Variants in SERPINI1 observed in about 807,000 individuals in gnomAD.
SERPINI1 encodes the protein serpin family I member 1, also known as neuroserpin.
In SERPINI1, 19 loss-of-function variants were observed where a neutral mutation model predicts 41.1. That is an observed-to-expected ratio of 0.46 (90% CI 0.32 to 0.68). The LOEUF (loss-of-function observed/expected upper bound fraction) is 0.68, where lower values mean the gene tolerates loss of function less well. Among genes scored for constraint, SERPINI1 ranks in the 30% least tolerant of loss-of-function variants. SERPINI1 has a pLI of 0.03. For missense variants in SERPINI1, 460 were observed against 479.2 expected, an observed-to-expected ratio of 0.96 and a Z score of 0.37; for synonymous variants, 138 against 156.6, an observed-to-expected ratio of 0.88 and a Z score of 0.89.
At chr3:167,791,095 A>C (rs796687783) in intron 3 of SERPINI1, among the ~76,000 whole-genome samples, 8 of 152,298 alleles carry the variant, frequency 5.3e-5, no homozygotes, top group African/African-American at 1.9e-4. Flanking sequence ...TAAGTCCCCC[A>C]AAATGGAGAG....
At chr3:167,821,137 T>G (rs1406663198) in intron 6 of SERPINI1, among the ~76,000 whole-genome samples, 2 of 152,152 alleles carry the variant, frequency 1.3e-5, no homozygotes, top group Non-Finnish European at 2.9e-5. Flanking sequence ...ACCCTCCACT[T>G]GTCTACATGC....
intron 8 of SERPINI1, 87 bp from the exon 9 acceptor site, chr3:167,825,158 CAT>C (rs1382082078): frequency 1.4e-5 from 12 of 879,500 alleles, no homozygotes; most frequent in Admixed American, 3.4e-5. Context: ...GAGAAAATAA[CAT>C]ATTTTCATTA....
At chr3:167,752,322 C>T (rs941040241) in intron 1 of SERPINI1, among the ~76,000 whole-genome samples, 1 of 152,138 alleles carries the variant, frequency 6.6e-6, no homozygotes, top group East Asian at 1.9e-4. Flanking sequence ...CTCAGATTTA[C>T]CTATCCAAAG....
intron 1 of SERPINI1, among the ~76,000 whole-genome samples, chr3:167,777,219 G>A (rs945497547): frequency 3.7e-4 from 56 of 152,180 alleles, no homozygotes; most frequent in African/African-American, 1.2e-3. Flanking sequence ...AGTTAAACAC[G>A]TTCTCTCTCT....
rs527990594 is a variant in SERPINI1, at chr3:167,783,918, C to T, written c.-18-5193C>T. 3.5e-4 allele frequency among the ~76,000 whole-genome samples: 53 copies of T among 152,306 alleles called. 2 individuals carry two copies. The South Asian group carries it at 0.011, about 31-fold the overall frequency. ...TCTCTGAAAGAGTTCCCTGACAGGA[C>T]CTGCTCCCACAATTCACAGCCACAT... is the stretch of plus-strand genomic sequence containing the variant. On this transcript the variant is annotated intron_variant, in intron 1 of 8. Transcript: ENST00000446050.
intron 1 of SERPINI1, among the ~76,000 whole-genome samples, chr3:167,765,995 G>T (rs1420593224): frequency 9.2e-5 from 14 of 152,032 alleles, no homozygotes; most frequent in Admixed American, 9.2e-4. Context: ...CAGCATTTTT[G>T]TCAAAGCAAT....
intron 3 of SERPINI1, among the ~76,000 whole-genome samples, chr3:167,792,296 T>A (rs1727548144): frequency 6.6e-6 from 1 of 152,040 alleles, no homozygotes; most frequent in Non-Finnish European, 1.5e-5. Flanking sequence ...TTATTTCAGG[T>A]GATACGGGTG....
chr3:167,795,267 C>A (rs115747698), intron 5 of SERPINI1, among the ~76,000 whole-genome samples: 1 of 152,236 alleles, frequency 6.6e-6, no homozygotes, highest in African/African-American at 2.4e-5. Context: ...GCAAGCAAGT[C>A]ACTGTGCTAG....
At position 167,748,111 on chromosome 3, in the gene SERPINI1, A is replaced by G. The variant is rs142687888; in HGVS notation, c.-19+12288A>G. On this transcript the variant is annotated intron_variant, in intron 1 of 8. Transcript: ENST00000446050. ...AGTGTGATCAAAACAAAAAGAAAAA[A>G]CTAGAACTTTAAGATAGAATGACAA... is the stretch of plus-strand genomic sequence containing the variant. Among the ~76,000 whole-genome samples the G allele has an allele frequency of 1.8e-3, 272 of 152,226 alleles. 1 individual carries two copies. The highest frequency in any genetic ancestry group is 6.1e-3 in the African/African-American group (255 of 41,578).
chr3:167,817,075 T>C (rs1416654996), intron 6 of SERPINI1, among the ~76,000 whole-genome samples: 4 of 151,894 alleles, frequency 2.6e-5, no homozygotes, highest in Non-Finnish European at 4.4e-5. Context: ...ATGTTTTAAG[T>C]GGAGTAGTGG....
At position 167,768,907 on chromosome 3, in the gene SERPINI1, A is replaced by G. The variant is rs189717664; in HGVS notation, c.-18-20204A>G. Among the ~76,000 whole-genome samples, 40 of 152,216 alleles carry G rather than the reference A, an allele frequency of 2.6e-4. 1 individual carries two copies. Among genetic ancestry groups the G allele is most frequent in the African/African-American group, 9.4e-4 (39 of 41,546 alleles). ...CTGCCAAGTTTTTCATTTGCTGCAGACCAGCTTTTTTTATGGCTTCTTCCT... is the reference window on the plus strand; with the variant it reads ...CTGCCAAGTTTTTCATTTGCTGCAGGCCAGCTTTTTTTATGGCTTCTTCCT... On this transcript the variant is annotated intron_variant, in intron 1 of 8. Coordinates refer to ENST00000446050, the MANE Select transcript of SERPINI1 (RefSeq NM_001122752.2).
chr3:167,762,198 C>T (rs577476821), intron 1 of SERPINI1, among the ~76,000 whole-genome samples: 2 of 152,186 alleles, frequency 1.3e-5, no homozygotes, highest in East Asian at 1.9e-4. Context: ...TCTATAGATA[C>T]GTTGTCGGTG....
chr3:167,738,442 C>T (rs1725556276), intron 1 of SERPINI1, among the ~76,000 whole-genome samples: 1 of 151,998 alleles, frequency 6.6e-6, no homozygotes, highest in African/African-American at 2.4e-5. Context: ...AAGAGCAAGA[C>T]TTAAAGGTTC....
chr3:167,763,676 A>G (rs1008196167), intron 1 of SERPINI1, among the ~76,000 whole-genome samples: 2 of 152,170 alleles, frequency 1.3e-5, no homozygotes, highest in Non-Finnish European at 2.9e-5. Flanking sequence ...TGTGTCTAAC[A>G]ATCACCTGAA....
intron 1 of SERPINI1, among the ~76,000 whole-genome samples, chr3:167,787,606 C>A (rs1484901646): frequency 6.6e-6 from 1 of 152,176 alleles, no homozygotes; most frequent in Non-Finnish European, 1.5e-5. Context: ...CAGAGCCTGC[C>A]CCGCAGCAGT....
intron 1 of SERPINI1, among the ~76,000 whole-genome samples, chr3:167,759,677 G>C (rs1373718604): frequency 6.6e-6 from 1 of 151,932 alleles, no homozygotes; most frequent in Non-Finnish European, 1.5e-5. Context: ...TGGATACAAT[G>C]TTCACTATTT....
rs1711681770 is a variant in SERPINI1, at chr3:167,807,297, T to A, written c.935T>A (p.Ile312Lys). 1 of 1,612,826 alleles carries A rather than the reference T, an allele frequency of 6.2e-7. No individual in the cohort carries two copies. Among genetic ancestry groups the A allele is most frequent in the South Asian group, 1.1e-5 (1 of 91,002 alleles). Residue 312 changes from isoleucine to lysine, a missense_variant, in exon 6 of 9, where the codon ATA (isoleucine) becomes AAA (lysine). Physicochemically the swap from Ile to Lys is moderately radical, Grantham distance 102 (BLOSUM62 -3). Coordinates refer to ENST00000446050, the MANE Select transcript of SERPINI1 (RefSeq NM_001122752.2). ...AAAGATGTTTTGAAGGCTCTTGGAA[T>A]AACTGAAATTTTCATCAAAGATGCA... The part of the protein sequence containing the change: ...DLKDVLKALG[I>K]TEIFIKDANL...
intron 1 of SERPINI1, among the ~76,000 whole-genome samples, chr3:167,760,445 A>T (rs1397583428): frequency 6.6e-6 from 1 of 151,898 alleles, no homozygotes; most frequent in Admixed American, 6.6e-5. Flanking sequence ...CTGATCAGAG[A>T]ATACATATAA....
intron 1 of SERPINI1, among the ~76,000 whole-genome samples, chr3:167,738,113 T>C (rs1388942126): frequency 6.6e-6 from 1 of 152,176 alleles, no homozygotes; most frequent in Non-Finnish European, 1.5e-5. Flanking sequence ...ACGTTCGTTA[T>C]ATGGCAGTTT....
Sources: allele counts gnomAD v4.1 joint callset (sites outside exome capture counted in the v4.1 genomes callset), GRCh38; gene constraint gnomAD v4.1.1; transcripts MANE v1.5; gene names NCBI Gene and HGNC (gene_info 2026-07-23, HGNC 2026-07-21).